RAP1GAP: variants seen among roughly 807,000 people sequenced by gnomAD.
RAP1GAP encodes rap1 GTPase-activating protein 1.
Under a neutral mutation model 87.2 loss-of-function variants are expected in RAP1GAP, and 35 were observed. The observed-to-expected ratio is 0.40, with a 90% CI of 0.31 to 0.53. RAP1GAP has a LOEUF of 0.53. RAP1GAP is among the 20% of genes least tolerant of loss of function. The pLI is 0.48. For missense variants in RAP1GAP, 734 were observed against 898.9 expected, an observed-to-expected ratio of 0.82 and a Z score of 2.35; for synonymous variants, 375 against 363.9, an observed-to-expected ratio of 1.03 and a Z score of -0.35.
chr1:21,614,990 G>A (rs2081089333), intron 7 of RAP1GAP, among the ~76,000 whole-genome samples: 2 of 152,204 alleles, frequency 1.3e-5, no homozygotes, highest in African/African-American at 4.8e-5. Context: ...CCACGAATCC[G>A]CAGCTCAGGG....
intron 1 of RAP1GAP, among the ~76,000 whole-genome samples, chr1:21,660,539 G>A (rs1244489706): frequency 6.6e-6 from 1 of 151,290 alleles, no homozygotes; most frequent in Non-Finnish European, 1.5e-5. Context: ...TCACCATTTT[G>A]GCCAGGCTGG....
chr1:21,659,276 G>A, intron 1 of RAP1GAP, among the ~76,000 whole-genome samples: 1 of 152,302 alleles, frequency 6.6e-6, no homozygotes, highest in African/African-American at 2.4e-5. Flanking sequence ...CCACCAATTG[G>A]CCGTCATAAG....
In RAP1GAP at chr1:21,609,984, A is replaced by G; in HGVS notation, c.999+136T>C. ...GGGGACGACAGGGGGCGTGGTGTGA[A>G]CAGTGCACCATTGAAGCCTTCCATG... On this transcript the variant is annotated intron_variant, in intron 14 of 24. Coordinates refer to ENST00000374765, the MANE Select transcript of RAP1GAP (RefSeq NM_002885.4). This position sits in a 1 kb window ranked among gnomAD's most constrained non-coding sequence, Gnocchi z 4.4. 1 of 1,113,444 alleles carries G rather than the reference A, an allele frequency of 9.0e-7. No homozygotes were observed. The highest frequency in any genetic ancestry group is 1.6e-5 in the African/African-American group (1 of 63,172). The allele number at this position is 1,113,444 out of a possible 1,614,324, so 69.0% of individuals were successfully genotyped here. A position where few individuals can be genotyped will look rare whatever the true frequency, so the allele number is the denominator to read the frequency against.
chr1:21,606,533 T>G (rs1009026159), intron 17 of RAP1GAP, among the ~76,000 whole-genome samples: 3 of 152,216 alleles, frequency 2.0e-5, no homozygotes, highest in Non-Finnish European at 2.9e-5. Flanking sequence ...AGTGTCCTCA[T>G]GTGGCTGCGT....
In RAP1GAP at chr1:21,601,733, C is replaced by T; in HGVS notation, c.1603G>A (p.Glu535Lys). The change falls in exon 20 of 25, where the codon GAG (glutamate) becomes AAG (lysine). Residue 535 changes from glutamate (E) to lysine (K), a missense_variant. By Grantham distance (56) the Glu-to-Lys change is moderately conservative (BLOSUM62 1). Around this residue, in one of 2 missense-constraint regions of RAP1GAP, gnomAD observed 249 missense variants for 252.7 expected, o/e 0.99. Transcript: ENST00000374765. ...SGHVSQEPKS[E>K]NSSTQSSPEM... Reference sequence around the variant, plus strand: ...GGGGAGCTCTGAGTGGATGAGTTCTCCGACTTGGGCTCCTGTGAGACGTGC... The same window carrying T: ...GGGGAGCTCTGAGTGGATGAGTTCTTCGACTTGGGCTCCTGTGAGACGTGC... The T allele has an allele frequency of 6.2e-7, 1 of 1,612,528 alleles. No homozygotes were observed. Among genetic ancestry groups the T allele is most frequent in the Non-Finnish European group, 8.5e-7 (1 of 1,178,960 alleles).
chr1:21,619,197 C>T, intron 4 of RAP1GAP, 125 bp from the exon 5 acceptor site: 1 of 1,024,516 alleles, frequency 9.8e-7, no homozygotes, highest in South Asian at 1.5e-5. Flanking sequence ...ACTCCCAGGG[C>T]AGGGTGCTAG....
At position 21,652,106 on chromosome 1, in the gene RAP1GAP, C is replaced by A. The variant is rs374155559; in HGVS notation, c.-148-2310G>T. Among the ~76,000 whole-genome samples, 162 of 147,750 alleles carry A rather than the reference C, an allele frequency of 1.1e-3. 1 individual carries two copies. The East Asian group carries it at 0.027, about 24-fold the overall frequency. ...GGGGCCCGGGGCAGCCCCTCCCCCA[C>A]CCCCTTCCCGGCCGCCGCCCCCCGT... On this transcript the variant is annotated intron_variant, in intron 1 of 24. Transcript: ENST00000374765.
At chr1:21,608,996 G>T in intron 15 of RAP1GAP, 60 bp from the exon 16 acceptor site, 1 of 1,436,810 alleles carries the variant, frequency 7.0e-7, no homozygotes. Flanking sequence ...CATAAACAAG[G>T]GTCGGAACCC....
Position 21,613,094 on chromosome 1 carries a change from G to T in RAP1GAP, c.528+82C>A. On this transcript the variant is annotated intron_variant, in intron 10 of 24. Coordinates refer to ENST00000374765, the MANE Select transcript of RAP1GAP (RefSeq NM_002885.4). The surrounding 1 kb of genome is among the most constrained non-coding windows in gnomAD (Gnocchi z 4.7). Reference sequence around the variant, plus strand: ...TGAGAGAACCTTGGGAAAGTATCTGGCACACAGAAGGTGCTTAATAAATGC... The same window carrying T: ...TGAGAGAACCTTGGGAAAGTATCTGTCACACAGAAGGTGCTTAATAAATGC... 1.5e-6 allele frequency: 2 copies of T among 1,372,030 alleles called. No homozygotes were observed. The highest frequency in any genetic ancestry group is 2.1e-6 in the Non-Finnish European group (2 of 962,804). The allele number at this position is 1,372,030 out of a possible 1,614,324, so 85.0% of individuals were successfully genotyped here. A position where few individuals can be genotyped will look rare whatever the true frequency, so the allele number is the denominator to read the frequency against.
chr1:21,649,603 G>A (rs976407289), intron 2 of RAP1GAP, among the ~76,000 whole-genome samples, 158 bp downstream of exon 2: 21 of 152,068 alleles, frequency 1.4e-4, no homozygotes, highest in African/African-American at 4.1e-4. Context: ...AAAGTACTCT[G>A]GGGACAGTAA....
At chr1:21,642,273 A>G (rs9426775) in intron 2 of RAP1GAP, among the ~76,000 whole-genome samples, 116,337 of 152,264 alleles carry the variant, frequency 0.76, 44,557 homozygotes, top group Middle Eastern at 0.82. Context: ...CACCCACTGC[A>G]GGCGCAGCAG....
At position 21,634,065 on chromosome 1, in the gene RAP1GAP, G is replaced by A. The variant is rs1018600837; in HGVS notation, c.-112-7668C>T. Among the ~76,000 whole-genome samples, 38 of 75,718 alleles carry A rather than the reference G, an allele frequency of 5.0e-4. 1 individual carries two copies. The highest frequency in any genetic ancestry group is 1.1e-3 in the African/African-American group (33 of 29,808). 49.7% of individuals were successfully genotyped at this position (75,718 alleles called of 152,430 possible). A position where few individuals can be genotyped will look rare whatever the true frequency, so the allele number is the denominator to read the frequency against. On this transcript the variant is annotated intron_variant, in intron 2 of 24. Coordinates refer to ENST00000374765, the MANE Select transcript of RAP1GAP (RefSeq NM_002885.4). The surrounding 1 kb of genome is among the most constrained non-coding windows in gnomAD (Gnocchi z 4.1). ...CCCAGAACTGCCCCCTCCCGGGGGG[G>A]GGGGGGGGCCACAGAAGCCCATTGT...
intron 19 of RAP1GAP, among the ~76,000 whole-genome samples, chr1:21,602,539 C>T (rs1323646705): frequency 3.9e-5 from 6 of 152,236 alleles, no homozygotes; most frequent in South Asian, 2.1e-4. Context: ...GGCTCAGATC[C>T]TAGCTCTGCC....
At chr1:21,640,693 CAG>C (rs137876095) in intron 2 of RAP1GAP, among the ~76,000 whole-genome samples, 3,134 of 146,174 alleles carry the variant, frequency 0.021, 53 homozygotes, top group Non-Finnish European at 0.028. Context: ...AAAATAGGTC[CAG>C]GGTCTTTGCG....
At chr1:21,629,838 T>A (rs1459875062) in intron 2 of RAP1GAP, among the ~76,000 whole-genome samples, 2 of 152,202 alleles carry the variant, frequency 1.3e-5, no homozygotes, top group Non-Finnish European at 2.9e-5. Context: ...ACACAGGCAA[T>A]GAGGCAGGCC....
chr1:21,597,852 C>A (rs551399327), intron 23 of RAP1GAP, 109 bp downstream of exon 23: 196 of 1,506,796 alleles, frequency 1.3e-4, no homozygotes, highest in Non-Finnish European at 1.7e-4. Flanking sequence ...CCTGGCCTAG[C>A]GGGGCCTAGG....
In RAP1GAP at chr1:21,598,009, G is replaced by A. The variant is rs542648738; in HGVS notation, c.1935C>T (p.Pro645=). The A allele has an allele frequency of 4.0e-5, 64 of 1,583,086 alleles. No homozygotes were observed. Among genetic ancestry groups the A allele is most frequent in the Admixed American group, 2.2e-4 (12 of 55,222 alleles). The change falls in exon 23 of 25, where the codon CCC becomes CCT. Residue 645 remains proline (P), a synonymous_variant. Transcript: ENST00000374765. Reference sequence around the variant, plus strand: ...ATGCTTCCAGCTGGATCTTGATCTCGGGACACGCAGGGTCCCCCAACTTGC... The same window carrying A: ...ATGCTTCCAGCTGGATCTTGATCTCAGGACACGCAGGGTCCCCCAACTTGC... The part of the protein sequence containing the change: ...DAGKLGDPAC[P]EIKIQLEASE...
At chr1:21,662,818 C>T (rs1273288747) in intron 1 of RAP1GAP, among the ~76,000 whole-genome samples, 1 of 152,186 alleles carries the variant, frequency 6.6e-6, no homozygotes, top group African/African-American at 2.4e-5. Context: ...AGCTGGGTGA[C>T]CTGGGGCAGG....
In RAP1GAP at chr1:21,659,227, T is replaced by C. The variant is rs138312649; in HGVS notation, c.-148-9431A>G. 2.8e-4 allele frequency among the ~76,000 whole-genome samples: 42 copies of C among 152,168 alleles called. 1 individual carries two copies. The highest frequency in any genetic ancestry group is 7.5e-4 in the African/African-American group (31 of 41,496). ...GCCGAAGAACGCTTTTTAAAACGTG[T>C]TCTCTAATGGGTCCGGGAGTCCGCC... On this transcript the variant is annotated intron_variant, in intron 1 of 24. Coordinates refer to ENST00000374765, the MANE Select transcript of RAP1GAP (RefSeq NM_002885.4).
Sources: gnomAD v4.1 joint callset for allele counts (sites outside exome capture counted in the v4.1 genomes callset) on GRCh38, gnomAD v4.1.1 for gene constraint, gnomAD v4.1.1 regional missense constraint, Gnocchi (gnomAD v3.1) non-coding constraint, MANE v1.5 for transcripts, NCBI Gene and HGNC (gene_info 2026-07-23, HGNC 2026-07-21) for gene names.